ZNF550: variants seen among roughly 807,000 people sequenced by gnomAD.
ZNF550 encodes the protein zinc finger protein 550.
In ZNF550, 42 loss-of-function variants were observed where a neutral mutation model predicts 40.2. That is an observed-to-expected ratio of 1.05 (90% confidence interval 0.82 to 1.35). The LOEUF is 1.35. Ranked by LOEUF, ZNF550 falls within the 40% of genes most tolerant of loss-of-function variation. The pLI is 0.00. For missense variants in ZNF550, 549 were observed against 525.2 expected (o/e 1.05, Z -0.44); for synonymous variants, 223 against 198.6 (o/e 1.12, Z -1.03).
intron 4 of ZNF550, among the ~76,000 whole-genome samples, chr19:57,545,706 A>C (rs2090002456): frequency 6.6e-6 from 1 of 152,006 alleles, no homozygotes; most frequent in Non-Finnish European, 1.5e-5. Context: ...ACACAGCAAG[A>C]CCTCATCTAT....
At chr19:57,545,557 G>A (rs1420933337) in intron 4 of ZNF550, among the ~76,000 whole-genome samples, 1 of 152,094 alleles carries the variant, frequency 6.6e-6, no homozygotes. Context: ...AGACAGAATG[G>A]AATCAGGAAA....
chr19:57,555,487 C>T (rs186035553), intron 2 of ZNF550: 290 of 152,648 alleles, frequency 1.9e-3, no homozygotes, highest in African/African-American at 6.6e-3. Context: ...TACAGGCGCG[C>T]ACCACTGCGC....
chr19:57,552,696 C>T (rs1294648897), exon 3 of ZNF550: 3 of 1,598,228 alleles, frequency 1.9e-6, no homozygotes, highest in Non-Finnish European at 1.7e-6. Context: ...AGCAGGTGGA[C>T]CAACTCTGGT....
rs574871839 is a variant in ZNF550 at position 57,545,247 on chromosome 19, C to T, written c.*518+1210G>A. 2.0e-5 allele frequency among the ~76,000 whole-genome samples: 3 copies of T among 152,294 alleles called. No homozygotes were observed. In the South Asian group the frequency reaches 6.2e-4, roughly 32 times the overall value. Reference sequence around the variant, plus strand: ...CTGATTCACCTGTTAAAATGCTAGGCACTTTATTTTGTAGCAAAACTTCAC... The same window carrying T: ...CTGATTCACCTGTTAAAATGCTAGGTACTTTATTTTGTAGCAAAACTTCAC... On this transcript the variant is annotated intron_variant, in intron 4 of 4. Transcript: ENST00000457177.
upstream of ZNF550, among the ~76,000 whole-genome samples, chr19:57,560,170 C>T (rs1204217784): frequency 1.3e-5 from 2 of 152,194 alleles, no homozygotes; most frequent in African/African-American, 4.8e-5. Context: ...CGCTTGCCTC[C>T]TCTGAGTGAC....
At chr19:57,551,653 C>T (rs1442650506) in intron 3 of ZNF550, among the ~76,000 whole-genome samples, 1 of 152,034 alleles carries the variant, frequency 6.6e-6, no homozygotes, top group East Asian at 1.9e-4. Flanking sequence ...GCCTCTGAGA[C>T]ACTTAAGTGG....
chr19:57,548,897 T>TA (rs765010768), intron 3 of ZNF550, among the ~76,000 whole-genome samples: 5 of 151,966 alleles, frequency 3.3e-5, no homozygotes, highest in Non-Finnish European at 5.9e-5. Flanking sequence ...TATTTGGCCA[T>TA]AAAAAAGGAG....
intron 2 of ZNF550, chr19:57,555,991 C>T: frequency 2.1e-6 from 1 of 475,754 alleles, no homozygotes; most frequent in Non-Finnish European, 3.8e-6. Context: ...GGCCAATCAG[C>T]TTCCTTCTTA....
chr19:57,544,151 C>G, intron 4 of ZNF550: 2 of 985,434 alleles, frequency 2.0e-6, no homozygotes, highest in Non-Finnish European at 2.4e-6. Context: ...ATAGCCCAGC[C>G]ATCCACTGCA....
chr19:57,552,770 GA>G, intron 2 of ZNF550, 48 bp from the exon 3 acceptor site: 1 of 1,415,396 alleles, frequency 7.1e-7, no homozygotes, highest in South Asian at 1.2e-5. Flanking sequence ...ATGAGAAAAT[GA>G]AAGTCTCTCC....
At chr19:57,559,592 T>C (rs2123377763) in intron 1 of ZNF550, 64 bp downstream of exon 1, 2 of 1,413,712 alleles carry the variant, frequency 1.4e-6, no homozygotes, top group Non-Finnish European at 1.9e-6. Flanking sequence ...ACGCCGTCCT[T>C]CCGCTCGTCG....
rs536348359 is a variant in ZNF550, at chr19:57,556,541, G to A, written c.28-184C>T. ...TACTGCCTTTTGACAATGCAATTGT[G>A]CCTGAGAGAAAAGCCTTCTATGGGG... On this transcript the variant is annotated intron_variant, in intron 1 of 4. Transcript: ENST00000457177. The A allele has an allele frequency of 1.9e-4, 123 of 641,146 alleles. 2 individuals are homozygous for A. The highest frequency in any genetic ancestry group is 1.5e-3 in the African/African-American group (81 of 54,244). The allele number at this position is 641,146 out of a possible 1,614,324, so 39.7% of individuals were successfully genotyped here. A position where few individuals can be genotyped will look rare whatever the true frequency, so the allele number is the denominator to read the frequency against.
At chr19:57,546,624 T>C in exon 4 of ZNF550, 1 of 1,028,556 alleles carries the variant, frequency 9.7e-7, no homozygotes, top group Non-Finnish European at 1.2e-6. Context: ...GTAAGATTTC[T>C]GCTCTGGCCA....
chr19:57,544,393 G>A, intron 4 of ZNF550: 1 of 985,410 alleles, frequency 1.0e-6, no homozygotes, highest in Non-Finnish European at 1.2e-6. Flanking sequence ...CCTCAGGCCT[G>A]GAAAGAACCC....
At chr19:57,542,389 T>C (rs1192223116) in exon 5 of ZNF550, 2 of 151,242 alleles carry the variant, frequency 1.3e-5, no homozygotes, top group East Asian at 3.9e-4. Flanking sequence ...ATAATACTGA[T>C]GACCTTATTT....
intron 2 of ZNF550, 190 bp downstream of exon 2, chr19:57,556,041 G>A: frequency 3.1e-6 from 2 of 639,644 alleles, no homozygotes; most frequent in Non-Finnish European, 5.3e-6. Context: ...GCTGAGCACT[G>A]GAGTGAGGGT....
intron 2 of ZNF550, chr19:57,555,554 G>A (rs1795787348): frequency 6.5e-6 from 1 of 154,064 alleles, no homozygotes; most frequent in Non-Finnish European, 1.4e-5. Flanking sequence ...GGCCAGGTTG[G>A]TATTGAACTC....
exon 4 of ZNF550, chr19:57,547,862 C>T (rs914119762): frequency 1.9e-6 from 3 of 1,614,092 alleles, no homozygotes; most frequent in Admixed American, 1.7e-5. Context: ...CCTTCCTCAT[C>T]CCTAGCTCTC....
chr19:57,543,665 G>C, intron 4 of ZNF550: 1 of 984,904 alleles, frequency 1.0e-6, no homozygotes, highest in South Asian at 4.7e-5. Flanking sequence ...GCCGGGCACG[G>C]TGGCTCACGC....
Sources: allele counts gnomAD v4.1 joint callset (sites outside exome capture counted in the v4.1 genomes callset), GRCh38; gene constraint gnomAD v4.1.1; transcripts MANE v1.5; gene names NCBI Gene and HGNC (gene_info 2026-07-23, HGNC 2026-07-21).